Variants in POM121 observed in about 807,000 individuals in gnomAD.
POM121 encodes the protein POM121 transmembrane nucleoporin.
Under a neutral mutation model 81.3 loss-of-function variants are expected in POM121, and 32 were observed. That is an observed-to-expected ratio of 0.39 (90% confidence interval 0.30 to 0.53). The LOEUF is 0.53. Among genes scored for constraint, POM121 ranks in the 20% least tolerant of loss-of-function variants. The pLI, the probability that POM121 is intolerant of heterozygous loss-of-function variation, is 0.66. For missense variants in POM121, 1,138 were observed against 1,614.6 expected (o/e 0.70, Z 5.06); for synonymous variants, 514 against 694.2 (o/e 0.74, Z 4.08).
At chr7:72,888,201 C>G (rs62463392) in intron 1 of POM121, among the ~76,000 whole-genome samples, 7 of 151,948 alleles carry the variant, frequency 4.6e-5, no homozygotes, top group Non-Finnish European at 1.0e-4. Flanking sequence ...TTTTTTTTCC[C>G]TGAGCTGTTT....
At chr7:72,933,687 C>A (rs1436626241) in intron 5 of POM121, among the ~76,000 whole-genome samples, 2 of 152,184 alleles carry the variant, frequency 1.3e-5, no homozygotes, top group African/African-American at 2.4e-5. Flanking sequence ...GAGATACATG[C>A]ACCCTTTGAT....
At chr7:72,889,019 ATTATG>A (rs1445535886) in intron 1 of POM121, among the ~76,000 whole-genome samples, 2 of 152,066 alleles carry the variant, frequency 1.3e-5, no homozygotes, top group Non-Finnish European at 2.9e-5. Context: ...TCTGTTGTAT[ATTATG>A]TTTTTAATCT....
At chr7:72,886,155 A>T (rs1790688400) in intron 1 of POM121, among the ~76,000 whole-genome samples, 1 of 143,754 alleles carries the variant, frequency 7.0e-6, no homozygotes, top group Non-Finnish European at 1.5e-5. Flanking sequence ...ATTAAACAGT[A>T]TTTATTTATT....
At chr7:72,898,687 A>G (rs1586087666) in intron 3 of POM121, among the ~76,000 whole-genome samples, 1 of 150,788 alleles carries the variant, frequency 6.6e-6, no homozygotes, top group African/African-American at 2.4e-5. Flanking sequence ...AATCCCAGGT[A>G]CTCGGTAGGC....
At chr7:72,924,767 G>T (rs1795179042), upstream of POM121, 1 of 250,916 alleles carries the variant, frequency 4.0e-6, no homozygotes, top group South Asian at 1.2e-4. Context: ...CGCTAGTAGC[G>T]TTTGTGAAAA....
rs1380561657 is a variant in POM121, at chr7:72,925,429, G to A, written c.308G>A (p.Arg103Gln). Residue 103 changes from arginine to glutamine, a missense_variant, in exon 1 of 13, where the codon CGA (arginine) becomes CAA (glutamine). This residue lies in a region of POM121 where 646 missense variants were observed against 633.5 expected (regional missense o/e 1.02). Coordinates refer to ENST00000434423, the MANE Select transcript of POM121 (RefSeq NM_001387691.1). ...TTCGTTCGGAAGGCGCGTCATCGGCGAACACTGTTCGCTTCGCCTCTGGCC... is the reference window on the plus strand; with the variant it reads ...TTCGTTCGGAAGGCGCGTCATCGGCAAACACTGTTCGCTTCGCCTCTGGCC... ...SSFVRKARHR[R>Q]TLFASPLAKS... 2 of 1,533,768 alleles carry A rather than the reference G, an allele frequency of 1.3e-6. No individual in the cohort carries two copies. The highest frequency in any genetic ancestry group is 2.7e-5 in the African/African-American group (2 of 72,940).
upstream of POM121, among the ~76,000 whole-genome samples, chr7:72,922,556 G>GTT (rs797044356): frequency 1.1e-4 from 15 of 140,062 alleles, no homozygotes; most frequent in East Asian, 4.1e-4. Flanking sequence ...AAATTTTTGT[G>GTT]TTTTTTTTTT....
intron 11 of POM121, among the ~76,000 whole-genome samples, chr7:72,945,282 C>CGG (rs1797564084): frequency 6.6e-6 from 1 of 152,068 alleles, no homozygotes; most frequent in Admixed American, 6.5e-5. Flanking sequence ...CGCTAGGAGG[C>CGG]GGGGGCCCCA....
At chr7:72,930,152 C>T (rs1217641302) in intron 5 of POM121, 41 bp downstream of exon 5, 1 of 1,571,464 alleles carries the variant, frequency 6.4e-7, no homozygotes, top group Non-Finnish European at 8.7e-7. Flanking sequence ...CATGAATTCC[C>T]AGCGTTCATT....
At chr7:72,929,816 C>G in intron 4 of POM121, 124 bp from the exon 5 acceptor site, 2 of 1,339,524 alleles carry the variant, frequency 1.5e-6, no homozygotes, top group Non-Finnish European at 1.9e-6. Context: ...AGATTGTTAG[C>G]AGTAAAAATT....
intron 1 of POM121, chr7:72,880,000 T>C (rs1203432994): frequency 1.1e-5 from 4 of 375,184 alleles, no homozygotes; most frequent in African/African-American, 4.3e-5. Context: ...CGGAGAGACA[T>C]GTGTTGGGTT....
intron 1 of POM121, chr7:72,879,914 G>C: frequency 4.0e-6 from 2 of 505,988 alleles, no homozygotes; most frequent in Non-Finnish European, 7.9e-6. Flanking sequence ...GGCCCGGAGC[G>C]AGAAGGGCCT....
intron 3 of POM121, among the ~76,000 whole-genome samples, chr7:72,906,519 C>A (rs1554493478): frequency 1.3e-5 from 2 of 152,198 alleles, no homozygotes; most frequent in Non-Finnish European, 2.9e-5. Flanking sequence ...TTTCAGAGTT[C>A]CAAAAGAGCT....
At chr7:72,949,376 G>A (rs1554504279), downstream of POM121, 7 of 900,918 alleles carry the variant, frequency 7.8e-6, no homozygotes, top group Non-Finnish European at 1.3e-5. Context: ...GGATCTAAGG[G>A]GGAGACCGCC....
chr7:72,894,633 G>GAGAGAGAGAA (rs1554491399), intron 3 of POM121, among the ~76,000 whole-genome samples: 534 of 38,594 alleles, frequency 0.014, 39 homozygotes, highest in African/African-American at 0.025. Flanking sequence ...AGAGGAGAGA[G>GAGAGAGAGAA]AGAGAGAGAG....
chr7:72,931,912 C>T (rs1308469046), intron 5 of POM121, among the ~76,000 whole-genome samples: 2 of 152,178 alleles, frequency 1.3e-5, no homozygotes, highest in South Asian at 2.1e-4. Context: ...ATTGTTAACA[C>T]TGTCATTATT....
At chr7:72,896,970 T>G (rs1201701383) in intron 3 of POM121, among the ~76,000 whole-genome samples, 1 of 152,222 alleles carries the variant, frequency 6.6e-6, no homozygotes, top group East Asian at 1.9e-4. Context: ...CCTGTAACCC[T>G]AGCACTTTGG....
rs373344727 is a variant in POM121 at position 72,943,661 on chromosome 7, C to A, written c.3529+139C>A. ...TAGAACTCAGTGAGATGCCAGGGAACGATACATGTTTTGCTAACGTAGTAA... is the reference window on the plus strand; with the variant it reads ...TAGAACTCAGTGAGATGCCAGGGAAAGATACATGTTTTGCTAACGTAGTAA... On this transcript the variant is annotated intron_variant, in intron 11 of 12. Transcript: ENST00000434423. 19 of 1,426,340 alleles carry A rather than the reference C, an allele frequency of 1.3e-5. No homozygotes were observed. The East Asian group carries it at 2.3e-4, about 17-fold the overall frequency. The allele number at this position is 1,426,340 out of a possible 1,614,324, so 88.4% of individuals were successfully genotyped here.
At chr7:72,913,387 C>T (rs1319092023) in intron 3 of POM121, among the ~76,000 whole-genome samples, 1 of 152,206 alleles carries the variant, frequency 6.6e-6, no homozygotes, top group African/African-American at 2.4e-5. Context: ...GTTCTTTTTT[C>T]CAGTCTTCCT....
Sources: gnomAD v4.1 joint callset for allele counts (sites outside exome capture counted in the v4.1 genomes callset) on GRCh38, gnomAD v4.1.1 for gene constraint, gnomAD v4.1.1 regional missense constraint, MANE v1.5 for transcripts, NCBI Gene and HGNC (gene_info 2026-07-23, HGNC 2026-07-21) for gene names.